The following STXBP5L variants were observed in gnomAD, a reference collection of about 807,000 sequenced individuals.
STXBP5L encodes the protein syntaxin-binding protein 5-like.
In STXBP5L, 65 loss-of-function variants were observed where a neutral mutation model predicts 144.5. That is an observed-to-expected ratio of 0.45 (90% CI 0.37 to 0.55). The LOEUF (loss-of-function observed/expected upper bound fraction) is 0.55. Among genes scored for constraint, STXBP5L ranks in the 20% least tolerant of loss-of-function variants. STXBP5L has a pLI of 0.00. For synonymous variants in STXBP5L, 505 were observed against 469.6 expected (o/e 1.08, Z -0.97); for missense variants, 1,298 against 1,405.5 (o/e 0.92, Z 1.22).
intron 3 of STXBP5L, among the ~76,000 whole-genome samples, chr3:121,039,737 T>C (rs1288351168): frequency 6.6e-6 from 1 of 151,890 alleles, no homozygotes. Context: ...TTATCTCTTC[T>C]CTCCCTCCTC....
chr3:120,940,295 G>T (rs1710500545), intron 2 of STXBP5L, among the ~76,000 whole-genome samples: 1 of 151,934 alleles, frequency 6.6e-6, no homozygotes, highest in Admixed American at 6.6e-5. Context: ...GAAAATAAAA[G>T]TTTCAGACAA....
intron 5 of STXBP5L, among the ~76,000 whole-genome samples, chr3:121,074,173 A>G (rs1305051391): frequency 6.6e-6 from 1 of 152,152 alleles, no homozygotes; most frequent in Non-Finnish European, 1.5e-5. Flanking sequence ...GTATACTGTG[A>G]TGAGCCCCAC....
intron 20 of STXBP5L, among the ~76,000 whole-genome samples, chr3:121,323,990 T>C (rs542698444): frequency 7.2e-5 from 11 of 152,300 alleles, no homozygotes; most frequent in Non-Finnish European, 1.6e-4. Flanking sequence ...TTTTTTCTAA[T>C]TCTTTACTTG....
intron 9 of STXBP5L, among the ~76,000 whole-genome samples, chr3:121,202,582 C>G (rs2048179697): frequency 6.6e-6 from 1 of 151,976 alleles, no homozygotes; most frequent in South Asian, 2.1e-4. Context: ...TGTAAGATAG[C>G]TCTGTTATCA....
At chr3:121,206,658 A>T (rs2048346481) in intron 10 of STXBP5L, among the ~76,000 whole-genome samples, 1 of 152,052 alleles carries the variant, frequency 6.6e-6, no homozygotes, top group African/African-American at 2.4e-5. Flanking sequence ...AGAAATACAC[A>T]AAAAAATTAG....
At chr3:120,988,985 G>T (rs534972505) in intron 3 of STXBP5L, among the ~76,000 whole-genome samples, 1 of 152,118 alleles carries the variant, frequency 6.6e-6, no homozygotes, top group Non-Finnish European at 1.5e-5. Context: ...TTTTGCAAAA[G>T]ACATGATTTC....
chr3:121,183,666 A>G (rs554352196), intron 9 of STXBP5L, among the ~76,000 whole-genome samples: 1 of 151,286 alleles, frequency 6.6e-6, no homozygotes, highest in Non-Finnish European at 1.5e-5. Flanking sequence ...AGAAAGAAGG[A>G]AGGGAGGGAG....
At chr3:121,312,446 C>CATTTTTTTTTT (rs1468535221) in intron 19 of STXBP5L, among the ~76,000 whole-genome samples, 5 of 12,754 alleles carry the variant, frequency 3.9e-4, no homozygotes, top group Admixed American at 2.0e-3. Context: ...GTATGTCAAT[C>CATTTTTTTTTT]TTTTTTTTTT....
At chr3:121,126,372 T>G (rs189009374) in intron 7 of STXBP5L, among the ~76,000 whole-genome samples, 220 of 152,262 alleles carry the variant, frequency 1.4e-3, no homozygotes, top group Middle Eastern at 0.014. Flanking sequence ...ACATAAAAAG[T>G]TTGCCAACTC....
chr3:121,191,529 C>G (rs911606303), intron 9 of STXBP5L, among the ~76,000 whole-genome samples: 9 of 151,854 alleles, frequency 5.9e-5, no homozygotes, highest in African/African-American at 2.2e-4. Flanking sequence ...GGAGACTGTG[C>G]AAAGGGGAGA....
intron 3 of STXBP5L, among the ~76,000 whole-genome samples, chr3:121,041,353 A>C (rs1031280992): frequency 1.3e-5 from 2 of 152,100 alleles, no homozygotes; most frequent in Non-Finnish European, 2.9e-5. Context: ...AATTATATGA[A>C]GTTATTGACT....
At chr3:121,272,580 C>T (rs1399056243) in intron 18 of STXBP5L, among the ~76,000 whole-genome samples, 2 of 152,082 alleles carry the variant, frequency 1.3e-5, no homozygotes, top group African/African-American at 2.4e-5. Flanking sequence ...AGCCACTCTT[C>T]CTTTTGTTTG....
intron 22 of STXBP5L, among the ~76,000 whole-genome samples, chr3:121,398,894 T>C (rs2046801012): frequency 6.6e-6 from 1 of 152,156 alleles, no homozygotes; most frequent in South Asian, 2.1e-4. Flanking sequence ...CCCTCTCTTC[T>C]AGCTTGCTGA....
chr3:121,159,196 ATATTAT>A (rs2046225428), intron 9 of STXBP5L, among the ~76,000 whole-genome samples: 1 of 151,868 alleles, frequency 6.6e-6, no homozygotes, highest in African/African-American at 2.4e-5. Flanking sequence ...TTTAAATGTA[ATATTAT>A]TAATCATATA....
intron 5 of STXBP5L, among the ~76,000 whole-genome samples, chr3:121,089,088 A>G (rs1207464830): frequency 1.0e-4 from 6 of 58,366 alleles, no homozygotes; most frequent in East Asian, 9.7e-4. Flanking sequence ...AACTTAGAGT[A>G]TAATAAAAAA....
rs913989849 is a variant in STXBP5L at position 121,255,219 on chromosome 3, G to A, written c.1659+107G>A. The stretch of plus-strand genomic sequence containing the variant: ...GGTTTCCATGAAGTGTGCAGTATGT[G>A]GCTAGTAATACAATTCACAGGATTT... On this transcript the variant is annotated intron_variant, in intron 16 of 26. Coordinates refer to ENST00000471454, the MANE Select transcript of STXBP5L (RefSeq NM_001308330.2). The A allele has an allele frequency of 4.3e-6, 3 of 703,592 alleles. No individual in the cohort carries two copies. The African/African-American group carries it at 5.5e-5, about 13-fold the overall frequency. 43.6% of individuals were successfully genotyped at this position (703,592 alleles called of 1,614,324 possible). A position where few individuals can be genotyped will look rare whatever the true frequency, so the allele number is the denominator to read the frequency against.
chr3:121,001,563 A>C (rs1943779685), intron 3 of STXBP5L, among the ~76,000 whole-genome samples: 1 of 152,094 alleles, frequency 6.6e-6, no homozygotes, highest in Non-Finnish European at 1.5e-5. Context: ...TGTCTCTGCT[A>C]ACTCCCAAGC....
At chr3:121,374,447 A>T (rs1323992485) in intron 20 of STXBP5L, among the ~76,000 whole-genome samples, 1 of 152,206 alleles carries the variant, frequency 6.6e-6, no homozygotes, top group Non-Finnish European at 1.5e-5. Flanking sequence ...ATTCTCCAAT[A>T]ACAGACCCCA....
intron 3 of STXBP5L, among the ~76,000 whole-genome samples, chr3:120,973,308 T>A (rs1940499041): frequency 6.6e-6 from 1 of 152,114 alleles, no homozygotes; most frequent in African/African-American, 2.4e-5. Flanking sequence ...GGCAGTTATA[T>A]GTTTTCAAGA....
Sources: allele counts gnomAD v4.1 joint callset (sites outside exome capture counted in the v4.1 genomes callset), GRCh38; gene constraint gnomAD v4.1.1; transcripts MANE v1.5; gene names NCBI Gene and HGNC (gene_info 2026-07-23, HGNC 2026-07-21).